The following PTK2 variants were observed in gnomAD, a reference collection of about 807,000 sequenced individuals.
The protein encoded by PTK2 is protein tyrosine kinase 2, also known as focal adhesion kinase 1.
Under a neutral mutation model 150.1 loss-of-function variants are expected in PTK2, and 45 were observed. That is an observed-to-expected ratio of 0.30 (90% CI 0.24 to 0.38). The LOEUF is 0.38. Among genes scored for constraint, PTK2 ranks in the 10% least tolerant of loss-of-function variants. The probability of loss-of-function intolerance (pLI) is 1.00; values close to 1 mark genes in which losing one functional copy is unlikely to be tolerated. For synonymous variants in PTK2, 432 were observed against 449.2 expected, an observed-to-expected ratio of 0.96 and a Z score of 0.48; for missense variants, 919 against 1,307.3, an observed-to-expected ratio of 0.70 and a Z score of 4.58.
intron 22 of PTK2, chr8:140,718,063 T>C (rs911609110): frequency 8.1e-6 from 2 of 247,574 alleles, no homozygotes; most frequent in African/African-American, 4.4e-5. Flanking sequence ...CGCAGCACTT[T>C]ATCAAGCATA....
chr8:140,700,559 C>T (rs951411852), intron 26 of PTK2, among the ~76,000 whole-genome samples: 4 of 151,804 alleles, frequency 2.6e-5, no homozygotes, highest in Non-Finnish European at 5.9e-5. Context: ...TCTCGGCTCA[C>T]TGCAACCTCC....
chr8:140,877,057 G>A (rs1421476378), intron 4 of PTK2, among the ~76,000 whole-genome samples: 15 of 110,552 alleles, frequency 1.4e-4, no homozygotes, highest in Middle Eastern at 7.6e-3. Context: ...TTTTGAGACA[G>A]AGTCTTACTC....
intron 22 of PTK2, among the ~76,000 whole-genome samples, chr8:140,728,866 T>C (rs1565205667): frequency 6.6e-6 from 1 of 152,182 alleles, no homozygotes; most frequent in South Asian, 2.1e-4. Context: ...TTTGTGATCC[T>C]GCTCTTACAA....
chr8:140,763,052 G>C lies in PTK2; in HGVS notation c.1234+1182C>G, dbSNP rs112021829. Among the ~76,000 whole-genome samples, 998 of 152,270 alleles carry C rather than the reference G, an allele frequency of 6.6e-3. 16 individuals carry two copies. The highest frequency in any genetic ancestry group is 0.022 in the African/African-American group (921 of 41,562). ...CTGCCTCTGTCTCCCAAAGTGCTGA[G>C]ATTACAGATGTGCGCCACCATGCCA... On this transcript the variant is annotated intron_variant, in intron 15 of 31. Coordinates refer to ENST00000522684, the Ensembl canonical transcript of PTK2.
At chr8:140,827,353 C>T (rs540615307) in intron 8 of PTK2, among the ~76,000 whole-genome samples, 4 of 151,812 alleles carry the variant, frequency 2.6e-5, no homozygotes, top group Non-Finnish European at 5.9e-5. Flanking sequence ...TATCAGGGCT[C>T]GCTGTTTCTA....
chr8:140,675,281 A>T, intron 28 of PTK2, 179 bp downstream of exon 31: 1 of 679,100 alleles, frequency 1.5e-6, no homozygotes, highest in Non-Finnish European at 2.5e-6. Flanking sequence ...TTATACCAAC[A>T]AATTCTTTTT....
At chr8:140,712,613 C>A (rs1440840116) in intron 23 of PTK2, among the ~76,000 whole-genome samples, 1 of 152,174 alleles carries the variant, frequency 6.6e-6, no homozygotes, top group African/African-American at 2.4e-5. Context: ...GGAACTTCTA[C>A]TCATGTGTGA....
intron 26 of PTK2, 33 bp from the exon 30 acceptor site, chr8:140,686,727 C>T (rs771798292): frequency 2.6e-5 from 41 of 1,578,002 alleles, no homozygotes; most frequent in Non-Finnish European, 3.6e-5. Flanking sequence ...AAAACAATTT[C>T]ATTTTTGATT....
At chr8:140,803,387 A>C (rs978630412) in intron 11 of PTK2, among the ~76,000 whole-genome samples, 156 bp downstream of exon 11, 2 of 152,162 alleles carry the variant, frequency 1.3e-5, no homozygotes, top group Non-Finnish European at 2.9e-5. Context: ...GGGGACATTT[A>C]ATCATTATTG....
At chr8:140,677,300 C>G (rs1361162169) in intron 27 of PTK2, among the ~76,000 whole-genome samples, 2 of 152,056 alleles carry the variant, frequency 1.3e-5, no homozygotes, top group South Asian at 4.1e-4. Flanking sequence ...CCCCAAAGCA[C>G]TGTGTGTGTC....
intron 8 of PTK2, among the ~76,000 whole-genome samples, chr8:140,829,627 C>T (rs1230723490): frequency 6.6e-6 from 1 of 152,072 alleles, no homozygotes; most frequent in Non-Finnish European, 1.5e-5. Flanking sequence ...GCTTGGGCTT[C>T]AGCTGATGGG....
chr8:140,920,581 A>G (rs2100167034), intron 2 of PTK2, among the ~76,000 whole-genome samples: 1 of 152,226 alleles, frequency 6.6e-6, no homozygotes, highest in African/African-American at 2.4e-5. Context: ...GCATTAAAAG[A>G]TAGCTTAATG....
intron 1 of PTK2, among the ~76,000 whole-genome samples, chr8:140,927,568 G>A (rs1418239690): frequency 6.6e-6 from 1 of 152,106 alleles, no homozygotes; most frequent in Non-Finnish European, 1.5e-5. Context: ...TCTACAACCT[G>A]CATTTCTCAG....
Position 140,789,637 on chromosome 8 carries a change from C to A in PTK2, c.1125-111G>T. ...GATGAGGAAGACAAAATTTTAGATA[C>A]GTGATTTCTTTAAAAATTGGATTCT... On this transcript the variant is annotated intron_variant, in intron 13 of 31. Coordinates refer to ENST00000522684, the Ensembl canonical transcript of PTK2. 16 of 929,722 alleles carry A rather than the reference C, an allele frequency of 1.7e-5. 1 individual carries two copies. The South Asian group carries it at 2.6e-4, about 15-fold the overall frequency. The allele number at this position is 929,722 out of a possible 1,614,324, so 57.6% of individuals were successfully genotyped here. A position where few individuals can be genotyped will look rare whatever the true frequency, so the allele number is the denominator to read the frequency against.
intron 8 of PTK2, among the ~76,000 whole-genome samples, chr8:140,826,881 G>A (rs1277407613): frequency 1.3e-5 from 2 of 152,244 alleles, no homozygotes; most frequent in East Asian, 1.9e-4. Flanking sequence ...TCGCGCCAAT[G>A]CACTCCAGCC....
intron 7 of PTK2, among the ~76,000 whole-genome samples, chr8:140,845,251 G>C (rs1385999383): frequency 3.9e-5 from 6 of 152,106 alleles, no homozygotes; most frequent in Admixed American, 3.9e-4. Flanking sequence ...CAAAGGCCAA[G>C]TCCAGACTCT....
chr8:140,867,252 G>C (rs2100139884), intron 4 of PTK2, among the ~76,000 whole-genome samples: 1 of 152,182 alleles, frequency 6.6e-6, no homozygotes, highest in African/African-American at 2.4e-5. Flanking sequence ...GGGGACCAAA[G>C]GAAGAAGGAG....
At chr8:140,908,927 GA>G (rs1286071056) in intron 2 of PTK2, among the ~76,000 whole-genome samples, 1 of 152,134 alleles carries the variant, frequency 6.6e-6, no homozygotes, top group African/African-American at 2.4e-5. Context: ...TAAAATACAT[GA>G]AACTGGGCCG....
chr8:140,967,212 CT>C (rs1358217979), intron 1 of PTK2, among the ~76,000 whole-genome samples: 2 of 152,214 alleles, frequency 1.3e-5, no homozygotes, highest in Non-Finnish European at 2.9e-5. Flanking sequence ...CAAAATCATG[CT>C]GCTATTCTTG....
Sources: gnomAD v4.1 joint callset for allele counts (sites outside exome capture counted in the v4.1 genomes callset) on GRCh38, gnomAD v4.1.1 for gene constraint, MANE v1.5 for transcripts, NCBI Gene and HGNC (gene_info 2026-07-23, HGNC 2026-07-21) for gene names.